Variants in TTC7B observed in about 807,000 individuals in gnomAD.
The protein encoded by TTC7B is tetratricopeptide repeat domain 7B.
Under a neutral mutation model 106.8 loss-of-function variants are expected in TTC7B, and 28 were observed. The observed-to-expected ratio is 0.26, with a 90% CI of 0.19 to 0.36. TTC7B has a LOEUF of 0.36. Ranked by LOEUF, TTC7B falls within the 10% of genes least tolerant of loss-of-function variation. The pLI is 1.00. For missense variants in TTC7B, 862 were observed against 1,076.4 expected, an observed-to-expected ratio of 0.80 and a Z score of 2.79; for synonymous variants, 405 against 430.6, an observed-to-expected ratio of 0.94 and a Z score of 0.74.
At chr14:90,766,722 G>A in intron 3 of TTC7B, 1 of 1,536,974 alleles carries the variant, frequency 6.5e-7, no homozygotes, top group Non-Finnish European at 9.0e-7. Flanking sequence ...AGGATGAGGT[G>A]GAACGTGTGA....
chr14:90,654,952 GC>G, intron 12 of TTC7B, 40 bp downstream of exon 12: 1 of 1,441,052 alleles, frequency 6.9e-7, no homozygotes, highest in Non-Finnish European at 9.8e-7. Flanking sequence ...AGGTAGTCCA[GC>G]CCTGCAGCTC....
In TTC7B at chr14:90,816,354, C is replaced by A. The variant is rs1160775358; in HGVS notation, c.-59G>T. ...AGGCCCCACCGCCGCCGCCGCGGCG[C>A]CCCCTCGCCGCCTCCCGCCGCCGCC... On this transcript the variant is annotated 5_prime_UTR_variant, in exon 1 of 20. Transcript: ENST00000328459. The A allele has an allele frequency of 4.4e-6, 4 of 915,974 alleles. No individual in the cohort carries two copies. The highest frequency in any genetic ancestry group is 1.8e-5 in the African/African-American group (1 of 55,168). The allele number at this position is 915,974 out of a possible 1,614,324, so 56.7% of individuals were successfully genotyped here. A position where few individuals can be genotyped will look rare whatever the true frequency, so the allele number is the denominator to read the frequency against.
At chr14:90,559,896 G>T (rs976948671) in intron 19 of TTC7B, among the ~76,000 whole-genome samples, 6 of 152,226 alleles carry the variant, frequency 3.9e-5, no homozygotes, top group Admixed American at 3.9e-4. Context: ...CAAACAAGGG[G>T]CTCTTTTGCT....
intron 18 of TTC7B, among the ~76,000 whole-genome samples, chr14:90,590,856 A>G (rs186672500): frequency 2.1e-4 from 32 of 152,314 alleles, no homozygotes; most frequent in African/African-American, 7.2e-4. Context: ...CCTACACACA[A>G]TGCTCACCGT....
intron 19 of TTC7B, among the ~76,000 whole-genome samples, chr14:90,551,959 C>T (rs891419643): frequency 6.6e-6 from 1 of 152,252 alleles, no homozygotes; most frequent in African/African-American, 2.4e-5. Flanking sequence ...AAGCTCTGGG[C>T]GAGGCCTGGT....
chr14:90,647,616 T>TCA (rs141704280), intron 13 of TTC7B, among the ~76,000 whole-genome samples: 5 of 35,660 alleles, frequency 1.4e-4, no homozygotes, highest in Non-Finnish European at 2.9e-4. Flanking sequence ...CAGATAACTG[T>TCA]CGTGTAAGAG....
At chr14:90,778,751 G>C (rs749287188) in intron 3 of TTC7B, among the ~76,000 whole-genome samples, 23 of 152,204 alleles carry the variant, frequency 1.5e-4, no homozygotes, top group Non-Finnish European at 2.6e-4. Context: ...AGCCTCAAAG[G>C]GGCGTGCCCA....
rs1453303298 is a variant in TTC7B, at chr14:90,709,500, C to T, written c.699-13922G>A. The stretch of plus-strand genomic sequence containing the variant: ...GAATTGAACAATGAGAACACATGGA[C>T]ACAGGAAGGGGAACATCACACACCG... On this transcript the variant is annotated intron_variant, in intron 5 of 19. Transcript: ENST00000328459. Among the ~76,000 whole-genome samples the T allele has an allele frequency of 1.1e-4, 15 of 130,458 alleles. No homozygotes were observed. In the South Asian group the frequency reaches 3.7e-3, roughly 32 times the overall value. 85.6% of individuals were successfully genotyped at this position (130,458 alleles called of 152,430 possible). A position where few individuals can be genotyped will look rare whatever the true frequency, so the allele number is the denominator to read the frequency against.
intron 17 of TTC7B, among the ~76,000 whole-genome samples, chr14:90,595,056 G>A (rs761750454): frequency 2.6e-5 from 4 of 152,204 alleles, no homozygotes; most frequent in East Asian, 3.9e-4. Flanking sequence ...TCTAGTGGCC[G>A]GGCGCGGTGG....
chr14:90,537,052 A>G lies in TTC7B; in HGVS notation c.*4316T>C, dbSNP rs2139755851. 1.3e-5 allele frequency: 2 copies of G among 152,370 alleles called. No homozygotes were observed. Among genetic ancestry groups the G allele is most frequent in the South Asian group, 4.1e-4 (2 of 4,828 alleles). The allele number at this position is 152,370 out of a possible 1,614,324, so 9.4% of individuals were successfully genotyped here. On this transcript the variant is annotated 3_prime_UTR_variant, in exon 20 of 20. Coordinates refer to ENST00000328459, the MANE Select transcript of TTC7B (RefSeq NM_001010854.2). Reference sequence around the variant, plus strand: ...CGCAGGAAGCCTCTAGCCGCTGGAGAAGACGGGGACACCCGTCCTCCTCCA... The same window carrying G: ...CGCAGGAAGCCTCTAGCCGCTGGAGGAGACGGGGACACCCGTCCTCCTCCA...
At chr14:90,661,753 T>C (rs1230160287) in intron 9 of TTC7B, among the ~76,000 whole-genome samples, 1 of 152,226 alleles carries the variant, frequency 6.6e-6, no homozygotes, top group Non-Finnish European at 1.5e-5. Flanking sequence ...TATGTTTAAA[T>C]GGTTTTTTTG....
intron 19 of TTC7B, among the ~76,000 whole-genome samples, chr14:90,549,342 G>A (rs946809069): frequency 2.0e-5 from 3 of 152,116 alleles, no homozygotes; most frequent in African/African-American, 7.2e-5. Context: ...TGAGTCAAAC[G>A]GGCACCACCA....
intron 5 of TTC7B, among the ~76,000 whole-genome samples, chr14:90,721,166 G>A (rs1012751155): frequency 2.0e-5 from 3 of 152,004 alleles, no homozygotes; most frequent in Admixed American, 6.6e-5. Flanking sequence ...CCTCCTCCCC[G>A]ACTTTGGAAG....
intron 1 of TTC7B, among the ~76,000 whole-genome samples, chr14:90,789,982 A>C (rs1255179124): frequency 1.3e-5 from 2 of 151,988 alleles, no homozygotes; most frequent in African/African-American, 4.8e-5. Context: ...TTTTCATATT[A>C]AGTTTTCCAA....
chr14:90,692,918 G>GGTGT (rs146498157), intron 6 of TTC7B, among the ~76,000 whole-genome samples: 53 of 149,660 alleles, frequency 3.5e-4, no homozygotes, highest in African/African-American at 1.2e-3. Flanking sequence ...GTGATGGCAG[G>GGTGT]GTGTGTGTGT....
chr14:90,578,321 A>G lies in TTC7B; in HGVS notation c.2108-13T>C. On this transcript the variant is annotated splice_polypyrimidine_tract_variant and intron_variant, in intron 18 of 19. Transcript: ENST00000328459. The surrounding 1 kb of genome is among the most constrained non-coding windows in gnomAD (Gnocchi z 4.7). ...ATATAGACTTCAGCTGTGAGGAGAC[A>G]GCAACGGCACATGCTTTCCTGGTGC... is the stretch of plus-strand genomic sequence containing the variant. The G allele has an allele frequency of 1.2e-6, 2 of 1,612,310 alleles. No homozygotes were observed. Among genetic ancestry groups the G allele is most frequent in the Non-Finnish European group, 1.7e-6 (2 of 1,179,420 alleles).
chr14:90,794,196 C>CCTGGCTGGGTATTT (rs1270510882), intron 1 of TTC7B, among the ~76,000 whole-genome samples: 4 of 147,668 alleles, frequency 2.7e-5, no homozygotes, highest in African/African-American at 9.9e-5. Flanking sequence ...AGCCACTGCA[C>CCTGGCTGGGTATTT]CTGGCTGGGT....
In TTC7B at chr14:90,541,142, T is replaced by C. The variant is rs952317290; in HGVS notation, c.*226A>G. 16 of 445,252 alleles carry C rather than the reference T, an allele frequency of 3.6e-5. No individual in the cohort carries two copies. Among genetic ancestry groups the C allele is most frequent in the African/African-American group, 2.3e-4 (12 of 51,348 alleles). 27.6% of individuals were successfully genotyped at this position (445,252 alleles called of 1,614,324 possible). Reference sequence around the variant, plus strand: ...ATGGCACATGATCCATTTTGAACAATGTCAATAGGTTCAGAAACTACCATT... The same window carrying C: ...ATGGCACATGATCCATTTTGAACAACGTCAATAGGTTCAGAAACTACCATT... On this transcript the variant is annotated 3_prime_UTR_variant, in exon 20 of 20. Coordinates refer to ENST00000328459, the MANE Select transcript of TTC7B (RefSeq NM_001010854.2).
intron 9 of TTC7B, among the ~76,000 whole-genome samples, chr14:90,668,546 C>T (rs899747649): frequency 6.6e-6 from 1 of 152,150 alleles, no homozygotes; most frequent in Non-Finnish European, 1.5e-5. Context: ...ATTATTAATG[C>T]CACCAATAAC....
Sources: allele counts gnomAD v4.1 joint callset (sites outside exome capture counted in the v4.1 genomes callset), GRCh38; gene constraint gnomAD v4.1.1; non-coding constraint Gnocchi (gnomAD v3.1); transcripts MANE v1.5; gene names NCBI Gene and HGNC (gene_info 2026-07-23, HGNC 2026-07-21).